PPP2R5C: variants seen among roughly 807,000 people sequenced by gnomAD.
The protein encoded by PPP2R5C is protein phosphatase 2 regulatory subunit B'gamma.
Under a neutral mutation model 68.9 loss-of-function variants are expected in PPP2R5C, and 7 were observed. The ratio of observed to expected loss-of-function variants is 0.10; its 90% CI spans 0.06 to 0.19. The LOEUF is 0.19. Ranked by LOEUF, PPP2R5C falls within the 10% of genes least tolerant of loss-of-function variation. The pLI is 1.00. For synonymous variants in PPP2R5C, 210 were observed against 222.2 expected (o/e 0.95, Z 0.49); for missense variants, 348 against 641.3 (o/e 0.54, Z 4.94).
rs769129780 is a variant in PPP2R5C at position 101,837,780 on chromosome 14, A to G, written c.95-18906A>G. Among the ~76,000 whole-genome samples, 6 of 152,360 alleles carry G rather than the reference A, an allele frequency of 3.9e-5. No homozygotes were observed. The East Asian group carries it at 9.6e-4, about 24-fold the overall frequency. Reference sequence around the variant, plus strand: ...TCCTAATAAATATGTTGAAAGCACTATTCTAAGCATGTACATTTATTATGT... The same window carrying G: ...TCCTAATAAATATGTTGAAAGCACTGTTCTAAGCATGTACATTTATTATGT... On this transcript the variant is annotated intron_variant, in intron 1 of 13. Coordinates refer to ENST00000334743, the Ensembl canonical transcript of PPP2R5C.
In PPP2R5C at chr14:101,779,655, C is replaced by G. The variant is rs116822232; in HGVS notation, c.94-6363C>G. 4.5e-3 allele frequency among the ~76,000 whole-genome samples: 688 copies of G among 152,196 alleles called. 5 individuals carry two copies. Among genetic ancestry groups the G allele is most frequent in the African/African-American group, 0.016 (650 of 41,540 alleles). On this transcript the variant is annotated intron_variant, in intron 2 of 14. Coordinates refer to the PPP2R5C transcript ENST00000328724. ...CCTGGAAAAATAAGTGTGGGGGAGA[C>G]AGCGGCTGAGCTCAAACCCCATGCT... is the stretch of plus-strand genomic sequence containing the variant.
At position 101,888,134 on chromosome 14, in the gene PPP2R5C, A is replaced by G. The variant is rs2044641978; in HGVS notation, c.630-2103A>G. On this transcript the variant is annotated intron_variant, in intron 5 of 13. Transcript: ENST00000334743. The surrounding 1 kb of genome is among the most constrained non-coding windows in gnomAD (Gnocchi z 5.6). ...TTATAACTGCAAGCCATCCTTATGT[A>G]AATGTTAAAGCTGATGGATCTAGAC... Among the ~76,000 whole-genome samples the G allele has an allele frequency of 6.6e-6, 1 of 152,184 alleles. No individual in the cohort carries two copies. The highest frequency in any genetic ancestry group is 6.5e-5 in the Admixed American group (1 of 15,286).
chr14:101,792,842 A>G (rs2038420133), intron 3 of PPP2R5C, among the ~76,000 whole-genome samples: 1 of 148,430 alleles, frequency 6.7e-6, no homozygotes, highest in South Asian at 2.1e-4. Context: ...CTCATTTAAT[A>G]CCTTCTCTTC....
At chr14:101,854,706 G>T (rs578175241) in intron 1 of PPP2R5C, among the ~76,000 whole-genome samples, 1 of 152,232 alleles carries the variant, frequency 6.6e-6, no homozygotes, top group Non-Finnish European at 1.5e-5. Flanking sequence ...GGGCCCCAGT[G>T]CTCCTAAAAA....
At chr14:101,812,533 G>A (rs2039426004) in intron 1 of PPP2R5C, among the ~76,000 whole-genome samples, 1 of 152,204 alleles carries the variant, frequency 6.6e-6, no homozygotes, top group Admixed American at 6.5e-5. Context: ...AGACTGTTGT[G>A]TTGTTTTGTT....
intron 13 of PPP2R5C, chr14:101,921,054 CTTTTTTTTTTTT>C (rs35320139): frequency 0.027 from 1,423 of 53,512 alleles, 36 homozygotes; most frequent in African/African-American, 0.091. Flanking sequence ...ATAAATTCTG[CTTTTTTTTTTTT>C]TTTTTTTTTT....
At chr14:101,880,355 G>T (rs908855153) in intron 2 of PPP2R5C, among the ~76,000 whole-genome samples, 1 of 152,144 alleles carries the variant, frequency 6.6e-6, no homozygotes, top group South Asian at 2.1e-4. Context: ...ATTACAGTTG[G>T]TCTTTACGTC....
At chr14:101,908,687 T>A (rs985713881) in intron 10 of PPP2R5C, among the ~76,000 whole-genome samples, 2 of 152,074 alleles carry the variant, frequency 1.3e-5, no homozygotes, top group African/African-American at 4.8e-5. Flanking sequence ...ATTGATTTTT[T>A]TTTTTTTAAT....
intron 3 of PPP2R5C, among the ~76,000 whole-genome samples, chr14:101,793,106 G>A (rs775805178): frequency 2.0e-5 from 3 of 151,994 alleles, no homozygotes; most frequent in Non-Finnish European, 4.4e-5. Context: ...TCAAACTCCT[G>A]ACCTCAAGTG....
chr14:101,916,034 G>A lies in PPP2R5C; in HGVS notation c.1327-1797G>A, dbSNP rs2046648195. On this transcript the variant is annotated intron_variant, in intron 12 of 13. Coordinates refer to ENST00000334743, the Ensembl canonical transcript of PPP2R5C. The surrounding 1 kb of genome is among the most constrained non-coding windows in gnomAD (Gnocchi z 5.5). Reference sequence around the variant, plus strand: ...CCTGGTGGGGTGTCAGTTATGGGGTGGGCCGGTGCGATCTGCTGAGAGGTG... The same window carrying A: ...CCTGGTGGGGTGTCAGTTATGGGGTAGGCCGGTGCGATCTGCTGAGAGGTG... Among the ~76,000 whole-genome samples, 2 of 152,106 alleles carry A rather than the reference G, an allele frequency of 1.3e-5. No individual in the cohort carries two copies. The highest frequency in any genetic ancestry group is 2.1e-4 in the South Asian group (1 of 4,822).
chr14:101,863,034 G>A (rs1171699564), intron 2 of PPP2R5C, among the ~76,000 whole-genome samples: 1 of 152,054 alleles, frequency 6.6e-6, no homozygotes, highest in Non-Finnish European at 1.5e-5. Flanking sequence ...TGGGCCAGGT[G>A]CAGTGGCTCA....
intron 8 of PPP2R5C, among the ~76,000 whole-genome samples, chr14:101,900,080 C>A (rs569411226): frequency 6.6e-6 from 1 of 151,716 alleles, no homozygotes; most frequent in Non-Finnish European, 1.5e-5. Flanking sequence ...AGAGACAGGA[C>A]CTCACCACGG....
rs1820323634 is a variant in PPP2R5C at position 101,917,914 on chromosome 14, G to A, written c.1410G>A (p.Met470Ile). The change falls in exon 13 of 14, where the codon ATG becomes ATA. Residue 470 changes from methionine (M) to isoleucine (I), a missense_variant. By Grantham distance (10) the Met-to-Ile change is conservative (BLOSUM62 1). This residue lies in a region of PPP2R5C where 118 missense variants were observed against 108.9 expected (regional missense o/e 1.08). Coordinates refer to ENST00000334743, the Ensembl canonical transcript of PPP2R5C. The surrounding 1 kb of genome is among the most constrained non-coding windows in gnomAD (Gnocchi z 4.4). Reference sequence around the variant, plus strand: ...GGCCTTTATTTGAAGATGTGCAGATGCTGAGAAAGACAGTGAAGGACGAGG... The same window carrying A: ...GGCCTTTATTTGAAGATGTGCAGATACTGAGAAAGACAGTGAAGGACGAGG... The A allele has an allele frequency of 2.5e-6, 4 of 1,613,814 alleles. No homozygotes were observed. Among genetic ancestry groups the A allele is most frequent in the Non-Finnish European group, 3.4e-6 (4 of 1,179,870 alleles).
chr14:101,842,049 T>A (rs746751881), intron 1 of PPP2R5C, among the ~76,000 whole-genome samples: 22 of 152,090 alleles, frequency 1.4e-4, no homozygotes, highest in Non-Finnish European at 3.1e-4. Flanking sequence ...CCCTGCTGTG[T>A]CAGGAAAACA....
chr14:101,821,452 G>T (rs4906144), intron 1 of PPP2R5C, among the ~76,000 whole-genome samples: 31,093 of 121,886 alleles, frequency 0.26, 3,828 homozygotes, highest in African/African-American at 0.34. Context: ...TGGGTGGGTG[G>T]GTGTGTGTGT....
In PPP2R5C at chr14:101,891,724, C is replaced by T. The variant is rs139795955; in HGVS notation, c.690-1276C>T. The stretch of plus-strand genomic sequence containing the variant: ...AGTGAGCACACCCTCCTTGATGGGC[C>T]GCTCCAGGCTCGCCCTTCCCGCATT... On this transcript the variant is annotated intron_variant, in intron 6 of 13. Coordinates refer to ENST00000334743, the Ensembl canonical transcript of PPP2R5C. The surrounding 1 kb of genome is among the most constrained non-coding windows in gnomAD (Gnocchi z 4.9). Among the ~76,000 whole-genome samples, 227 of 152,278 alleles carry T rather than the reference C, an allele frequency of 1.5e-3. No individual in the cohort carries two copies. Among genetic ancestry groups the T allele is most frequent in the Non-Finnish European group, 2.4e-3 (161 of 68,018 alleles).
intron 1 of PPP2R5C, chr14:101,823,670 C>A: frequency 1.3e-6 from 1 of 787,488 alleles, no homozygotes; most frequent in Non-Finnish European, 1.6e-6. Context: ...AGAGGTTCTC[C>A]AACTTGTCTG....
intron 2 of PPP2R5C, among the ~76,000 whole-genome samples, chr14:101,860,222 C>T (rs2042668490): frequency 6.6e-6 from 1 of 152,180 alleles, no homozygotes; most frequent in South Asian, 2.1e-4. Flanking sequence ...ACCCCCAGCC[C>T]TGAGCAACCA....
At chr14:101,802,141 G>A (rs148725063) in intron 3 of PPP2R5C, among the ~76,000 whole-genome samples, 89 of 152,286 alleles carry the variant, frequency 5.8e-4, no homozygotes, top group East Asian at 5.8e-3. Flanking sequence ...CTGGCCGGGC[G>A]CGGTGGCTCA....
Sources: gnomAD v4.1 joint callset for allele counts (sites outside exome capture counted in the v4.1 genomes callset) on GRCh38, gnomAD v4.1.1 for gene constraint, gnomAD v4.1.1 regional missense constraint, Gnocchi (gnomAD v3.1) non-coding constraint, MANE v1.5 for transcripts, NCBI Gene and HGNC (gene_info 2026-07-23, HGNC 2026-07-21) for gene names.